CDR2: variants seen among roughly 807,000 people sequenced by gnomAD.
CDR2 encodes the protein cerebellar degeneration-related protein 2.
A neutral mutation model predicts 48.4 loss-of-function variants in CDR2; 34 were observed. The observed-to-expected ratio is 0.70, with a 90% CI of 0.53 to 0.94. The LOEUF (loss-of-function observed/expected upper bound fraction) is 0.94, where lower values mean the gene tolerates loss of function less well. CDR2 is among the 40% of genes least tolerant of loss of function. The pLI is 0.00. For synonymous variants in CDR2, 240 were observed against 219.7 expected, an observed-to-expected ratio of 1.09 and a Z score of -0.82; for missense variants, 498 against 549.5, an observed-to-expected ratio of 0.91 and a Z score of 0.94.
chr16:22,347,794 T>G lies in CDR2; in HGVS notation c.536A>C (p.Glu179Ala). 1 of 1,613,654 alleles carries G rather than the reference T, an allele frequency of 6.2e-7. No individual in the cohort carries two copies. The highest frequency in any genetic ancestry group is 1.1e-5 in the South Asian group (1 of 91,074). ...CTGACCTTGCAAGGAAGTGATCTTCTCAGCGAACACATGATCATACACGAA... is the reference window on the plus strand; with the variant it reads ...CTGACCTTGCAAGGAAGTGATCTTCGCAGCGAACACATGATCATACACGAA... ...QHFVYDHVFA[E>A]KITSLQGQPS... The change falls in exon 5 of 5, where the codon GAG becomes GCG. Residue 179 changes from glutamate (E) to alanine (A), a missense_variant. Transcript: ENST00000268383.
chr16:22,348,300 A>T (rs1480955126), intron 4 of CDR2, among the ~76,000 whole-genome samples: 4 of 152,206 alleles, frequency 2.6e-5, no homozygotes, highest in Non-Finnish European at 5.9e-5. Flanking sequence ...TGAGGCTGGT[A>T]AATAAACACA....
intron 1 of CDR2, among the ~76,000 whole-genome samples, chr16:22,372,405 A>G (rs2049084533): frequency 6.6e-6 from 1 of 152,196 alleles, no homozygotes; most frequent in East Asian, 1.9e-4. Context: ...GCAGTTCAAC[A>G]AATATTAAAA....
At chr16:22,356,110 GT>G (rs1215714354) in intron 2 of CDR2, among the ~76,000 whole-genome samples, 3 of 152,032 alleles carry the variant, frequency 2.0e-5, no homozygotes, top group Non-Finnish European at 4.4e-5. Flanking sequence ...TATTAAATAT[GT>G]TAATACGTAT....
At chr16:22,356,940 C>CAAAAAAAA (rs1047380020) in intron 2 of CDR2, among the ~76,000 whole-genome samples, 1 of 28,878 alleles carries the variant, frequency 3.5e-5, no homozygotes, top group Non-Finnish European at 7.2e-5. Flanking sequence ...GACTCCATCT[C>CAAAAAAAA]AAAAAAAAAA....
intron 2 of CDR2, among the ~76,000 whole-genome samples, chr16:22,350,917 G>A (rs1219996593): frequency 5.3e-5 from 8 of 152,178 alleles, no homozygotes; most frequent in Non-Finnish European, 2.9e-5. Context: ...TAGGGTACAT[G>A]TGCACAATGT....
intron 2 of CDR2, among the ~76,000 whole-genome samples, chr16:22,358,202 A>G (rs2048988821): frequency 6.6e-6 from 1 of 152,178 alleles, no homozygotes; most frequent in Non-Finnish European, 1.5e-5. Context: ...ATCTCAAGGT[A>G]CAGACATGCT....
chr16:22,354,239 T>C (rs2048959816), intron 2 of CDR2, among the ~76,000 whole-genome samples: 1 of 152,192 alleles, frequency 6.6e-6, no homozygotes, highest in African/African-American at 2.4e-5. Flanking sequence ...ATGTTGATCT[T>C]GGACATGGAA....
chr16:22,362,050 C>T (rs1240893227), intron 2 of CDR2, among the ~76,000 whole-genome samples: 22 of 152,016 alleles, frequency 1.4e-4, no homozygotes, highest in Admixed American at 1.2e-3. Flanking sequence ...TACAGGCGCC[C>T]GCCACCACGC....
intron 1 of CDR2, among the ~76,000 whole-genome samples, chr16:22,369,204 G>C (rs924927006): frequency 6.6e-6 from 1 of 151,766 alleles, no homozygotes; most frequent in African/African-American, 2.4e-5. Context: ...TCAGCACTTT[G>C]GGACGCCAAG....
chr16:22,370,453 T>C (rs74012316), intron 1 of CDR2, among the ~76,000 whole-genome samples: 2,220 of 152,288 alleles, frequency 0.015, 63 homozygotes, highest in African/African-American at 0.051. Flanking sequence ...GAATCCTTAT[T>C]CTAAGTTTGC....
intron 2 of CDR2, among the ~76,000 whole-genome samples, chr16:22,350,522 A>T (rs987589656): frequency 6.6e-6 from 1 of 152,190 alleles, no homozygotes; most frequent in African/African-American, 2.4e-5. Context: ...CCTATCAGGA[A>T]ATTCCAAGGG....
chr16:22,370,755 A>G (rs573745900), intron 1 of CDR2, among the ~76,000 whole-genome samples: 2 of 152,350 alleles, frequency 1.3e-5, no homozygotes, highest in South Asian at 4.1e-4. Context: ...AGGTATGAAT[A>G]GTAGACCAGA....
At chr16:22,356,760 A>G (rs2048976571) in intron 2 of CDR2, among the ~76,000 whole-genome samples, 1 of 151,916 alleles carries the variant, frequency 6.6e-6, no homozygotes, top group Non-Finnish European at 1.5e-5. Flanking sequence ...TCTAAAAAAT[A>G]AAATAAAATA....
At position 22,347,183 on chromosome 16, in the gene CDR2, T is replaced by G. The variant is rs778041668; in HGVS notation, c.1147A>C (p.Arg383=). The change falls in exon 5 of 5, where the codon AGG becomes CGG. Residue 383 remains arginine, a synonymous_variant. Coordinates refer to ENST00000268383, the MANE Select transcript of CDR2 (RefSeq NM_001802.2). ...SLSHKAVQTS[R]AAAKDLTGVN... Reference sequence around the variant, plus strand: ...CCAGTCAGGTCCTTGGCTGCAGCCCTGGAGGTCTGCACAGCCTTGTGTGAC... The same window carrying G: ...CCAGTCAGGTCCTTGGCTGCAGCCCGGGAGGTCTGCACAGCCTTGTGTGAC... The G allele has an allele frequency of 6.8e-6, 11 of 1,614,092 alleles. No individual in the cohort carries two copies. Among genetic ancestry groups the G allele is most frequent in the Non-Finnish European group, 9.3e-6 (11 of 1,180,036 alleles).
chr16:22,358,089 A>G (rs980299757), intron 2 of CDR2, among the ~76,000 whole-genome samples: 2 of 152,182 alleles, frequency 1.3e-5, no homozygotes, highest in African/African-American at 4.8e-5. Flanking sequence ...TGAGCTCTCT[A>G]AGTACGTACT....
chr16:22,358,921 AAT>A (rs1418330487), intron 2 of CDR2, among the ~76,000 whole-genome samples: 1 of 152,188 alleles, frequency 6.6e-6, no homozygotes, highest in Non-Finnish European at 1.5e-5. Context: ...TATAGTTAAC[AAT>A]ATCTTATTGT....
At chr16:22,362,491 G>T (rs898681378) in intron 2 of CDR2, among the ~76,000 whole-genome samples, 4 of 152,146 alleles carry the variant, frequency 2.6e-5, no homozygotes, top group Non-Finnish European at 5.9e-5. Context: ...TGAAAGATAT[G>T]CTAAAATAAG....
At chr16:22,349,222 T>C in intron 4 of CDR2, 57 bp downstream of exon 4, 1 of 1,555,846 alleles carries the variant, frequency 6.4e-7, no homozygotes. Context: ...GAAATCAGAA[T>C]GTGCCAATGA....
chr16:22,354,718 T>C (rs2048962514), intron 2 of CDR2, among the ~76,000 whole-genome samples: 1 of 146,748 alleles, frequency 6.8e-6, no homozygotes, highest in African/African-American at 2.5e-5. Context: ...TGAAACTCCA[T>C]CTCTACTTAA....
Sources: allele counts gnomAD v4.1 joint callset (sites outside exome capture counted in the v4.1 genomes callset), GRCh38; gene constraint gnomAD v4.1.1; transcripts MANE v1.5; gene names NCBI Gene and HGNC (gene_info 2026-07-23, HGNC 2026-07-21).